The following CGREF1 variants were observed in gnomAD, a reference collection of about 807,000 sequenced individuals.
CGREF1 encodes cell growth regulator with EF-hand domain 1.
CGREF1 carries 16 observed loss-of-function variants against 17.4 expected under a neutral mutation model. The observed-to-expected ratio is 0.92, with a 90% CI of 0.62 to 1.40. The LOEUF (loss-of-function observed/expected upper bound fraction) is 1.40, where lower values mean the gene tolerates loss of function less well. Among genes scored for constraint, CGREF1 ranks in the 40% most tolerant of loss-of-function variants. The probability of loss-of-function intolerance (pLI) is 0.00; values close to 1 mark genes in which losing one functional copy is unlikely to be tolerated. For missense variants in CGREF1, 296 were observed against 376.4 expected (o/e 0.79, Z 1.77); for synonymous variants, 142 against 154.6 (o/e 0.92, Z 0.61).
intron 1 of CGREF1, among the ~76,000 whole-genome samples, chr2:27,109,909 AAAG>A (rs1671289891): frequency 1.3e-5 from 2 of 150,946 alleles, no homozygotes; most frequent in African/African-American, 4.9e-5. Flanking sequence ...AAAAAAAAAA[AAAG>A]CATGTTAAAA....
rs975915780 is a variant in CGREF1, at chr2:27,107,286, G to C, written c.-11-2909C>G. Among the ~76,000 whole-genome samples, 4 of 124,640 alleles carry C rather than the reference G, an allele frequency of 3.2e-5. No individual in the cohort carries two copies. The South Asian group carries it at 7.9e-4, about 25-fold the overall frequency. The allele number at this position is 124,640 out of a possible 152,430, so 81.8% of individuals were successfully genotyped here. A position where few individuals can be genotyped will look rare whatever the true frequency, so the allele number is the denominator to read the frequency against. ...TTTGTTTTGTTTGAGAGAGGGTCTC[G>C]CTCTGTTGCCCAGGCTGGAGTGCCG... On this transcript the variant is annotated intron_variant, in intron 1 of 5. Transcript: ENST00000402394.
chr2:27,099,561 C>T, downstream of CGREF1: 1 of 1,614,160 alleles, frequency 6.2e-7, no homozygotes, highest in Non-Finnish European at 8.5e-7. Flanking sequence ...CCTCCGTCAT[C>T]TTCAGCCTCT....
In CGREF1 at chr2:27,101,169, C is replaced by T. The variant is rs116418742; in HGVS notation, c.*105G>A. On this transcript the variant is annotated 3_prime_UTR_variant, in exon 6 of 6. Transcript: ENST00000402394. ...AGACCTGATACCTACTGGGACCAGGCAGGGGGCACAGAGATGGTCCTTGTC... is the reference window on the plus strand; with the variant it reads ...AGACCTGATACCTACTGGGACCAGGTAGGGGGCACAGAGATGGTCCTTGTC... The T allele has an allele frequency of 6.9e-4, 1,027 of 1,489,372 alleles. 5 individuals carry two copies. The African/African-American group carries it at 7.9e-3, about 11-fold the overall frequency. The allele number at this position is 1,489,372 out of a possible 1,614,324, so 92.3% of individuals were successfully genotyped here. A position where few individuals can be genotyped will look rare whatever the true frequency, so the allele number is the denominator to read the frequency against.
At chr2:27,116,884 TC>T (rs1671594709) in intron 1 of CGREF1, among the ~76,000 whole-genome samples, 2 of 72,638 alleles carry the variant, frequency 2.8e-5, no homozygotes, top group Non-Finnish European at 5.5e-5. Flanking sequence ...TCTCTCTCTC[TC>T]TCTCTCTCTC....
At position 27,101,878 on chromosome 2, in the gene CGREF1, A is replaced by G. The variant is rs374086568; in HGVS notation, c.353T>C (p.Ile118Thr). 1.9e-6 allele frequency: 3 copies of G among 1,611,972 alleles called. No homozygotes were observed. The highest frequency in any genetic ancestry group is 2.5e-6 in the Non-Finnish European group (3 of 1,179,112). The change falls in exon 6 of 6, where the codon ATA (isoleucine) becomes ACA (threonine). Residue 118 changes from isoleucine (I) to threonine (T), a missense_variant. Ile to Thr is a moderately conservative substitution (Grantham distance 89). This residue lies in a region of CGREF1 where 247 missense variants were observed against 267.2 expected (regional missense o/e 0.92). Transcript: ENST00000402394. Reference sequence around the variant, plus strand: ...CTGGGTCTCGAGCACTTTGTCCACTATCAAGATCACCTGTGGAAGCAGAGT... The same window carrying G: ...CTGGGTCTCGAGCACTTTGTCCACTGTCAAGATCACCTGTGGAAGCAGAGT... ...NSPTTNPVIL[I>T]VDKVLETQDL...
intron 1 of CGREF1, among the ~76,000 whole-genome samples, chr2:27,111,625 A>C (rs1671388286): frequency 6.6e-6 from 1 of 152,184 alleles, no homozygotes; most frequent in African/African-American, 2.4e-5. Context: ...AGGCTCAGGC[A>C]TGGCGGGCTG....
At chr2:27,099,671 G>A (rs575951862), downstream of CGREF1, 105 of 1,614,140 alleles carry the variant, frequency 6.5e-5, 1 homozygote, top group Middle Eastern at 8.2e-4. Context: ...CCAGGGAGGA[G>A]CGTGCAGGAA....
intron 1 of CGREF1, among the ~76,000 whole-genome samples, chr2:27,118,534 C>T (rs1321788901): frequency 2.6e-5 from 4 of 152,294 alleles, no homozygotes; most frequent in East Asian, 3.9e-4. Context: ...GGAAAGCTCC[C>T]GCCAGCTGCC....
downstream of CGREF1, chr2:27,100,376 G>A: frequency 8.1e-7 from 1 of 1,229,364 alleles, no homozygotes; most frequent in Non-Finnish European, 1.1e-6. Flanking sequence ...TCCTCCCGCT[G>A]ACTGCCCCAG....
intron 1 of CGREF1, among the ~76,000 whole-genome samples, chr2:27,108,984 GCC>G (rs1365104095): frequency 6.6e-6 from 1 of 151,738 alleles, no homozygotes. Flanking sequence ...CAACTTTGTT[GCC>G]CAGGCTGGTC....
chr2:27,102,392 TCTGTC>T lies in CGREF1; in HGVS notation c.180_184del (p.Thr61SerfsTer20), dbSNP rs776610084. 1.2e-6 allele frequency: 2 copies of T among 1,614,154 alleles called. No homozygotes were observed. Among genetic ancestry groups the T allele is most frequent in the South Asian group, 2.2e-5 (2 of 91,078 alleles). On this transcript the variant is annotated frameshift_variant, in exon 4 of 6. Coordinates refer to ENST00000402394, the MANE Select transcript of CGREF1 (RefSeq NM_006569.6). LOFTEE classifies it high-confidence loss of function. ...CCGGCTCAGATGCTCCAGTTGCACT[TCTGTC>T]CTTCCTAGTCCCTTTAGGTAGCTCT...
At chr2:27,116,539 A>G (rs1165295702) in intron 1 of CGREF1, among the ~76,000 whole-genome samples, 2 of 149,228 alleles carry the variant, frequency 1.3e-5, no homozygotes, top group Non-Finnish European at 3.0e-5. Flanking sequence ...AAAGAGAGAG[A>G]AAAAAAAAAG....
At chr2:27,110,302 T>A (rs1291988084) in intron 1 of CGREF1, among the ~76,000 whole-genome samples, 2 of 152,088 alleles carry the variant, frequency 1.3e-5, no homozygotes, top group Non-Finnish European at 2.9e-5. Context: ...CTAGGGAGGC[T>A]GAGGTGGGAA....
chr2:27,114,215 G>A (rs952370388), intron 1 of CGREF1, among the ~76,000 whole-genome samples: 2 of 151,818 alleles, frequency 1.3e-5, no homozygotes, highest in African/African-American at 2.4e-5. Flanking sequence ...GGATGGTCTC[G>A]ATCTCTTGAC....
At chr2:27,100,044 T>C (rs1670714339), downstream of CGREF1, 1 of 639,890 alleles carries the variant, frequency 1.6e-6, no homozygotes, top group Non-Finnish European at 2.7e-6. Flanking sequence ...TCCCTCTTTG[T>C]GTCCATTCCC....
At chr2:27,107,957 AAG>A (rs1467538704) in intron 1 of CGREF1, among the ~76,000 whole-genome samples, 2 of 150,834 alleles carry the variant, frequency 1.3e-5, no homozygotes, top group Non-Finnish European at 3.0e-5. Flanking sequence ...AAAAGAAAGA[AAG>A]AAAGAAATAA....
At chr2:27,109,673 G>A (rs1225897965) in intron 1 of CGREF1, among the ~76,000 whole-genome samples, 2 of 150,754 alleles carry the variant, frequency 1.3e-5, no homozygotes, top group African/African-American at 4.9e-5. Context: ...ATCACCTGAG[G>A]TTGGGAGTTC....
chr2:27,112,139 T>A (rs572598366), intron 1 of CGREF1, among the ~76,000 whole-genome samples: 1 of 152,244 alleles, frequency 6.6e-6, no homozygotes, highest in East Asian at 1.9e-4. Flanking sequence ...TAGCTGGGTG[T>A]GGTGGTGCAC....
downstream of CGREF1, chr2:27,099,464 T>G (rs768902999): frequency 2.1e-5 from 34 of 1,613,938 alleles, no homozygotes; most frequent in African/African-American, 1.3e-5. Context: ...GCCGACGCCC[T>G]GGGCCCTGAT....
Sources: allele counts gnomAD v4.1 joint callset (sites outside exome capture counted in the v4.1 genomes callset), GRCh38; gene constraint gnomAD v4.1.1; regional missense constraint gnomAD v4.1.1; transcripts MANE v1.5; gene names NCBI Gene and HGNC (gene_info 2026-07-23, HGNC 2026-07-21).